HERPUD2: variants seen among roughly 807,000 people sequenced by gnomAD.
The protein encoded by HERPUD2 is homocysteine-responsive endoplasmic reticulum-resident ubiquitin-like domain member 2 protein.
HERPUD2 carries 13 observed loss-of-function variants against 49.9 expected under a neutral mutation model. The observed-to-expected ratio is 0.26, with a 90% CI of 0.17 to 0.41. HERPUD2 has a LOEUF of 0.41. Ranked by LOEUF, HERPUD2 falls within the 10% of genes least tolerant of loss-of-function variation. The probability of loss-of-function intolerance (pLI) is 1.00; values close to 1 mark genes in which losing one functional copy is unlikely to be tolerated. For synonymous variants in HERPUD2, 172 were observed against 171.4 expected (o/e 1.00, Z -0.03); for missense variants, 449 against 492.2 (o/e 0.91, Z 0.83).
intron 2 of HERPUD2, among the ~76,000 whole-genome samples, chr7:35,686,482 G>A (rs1242125101): frequency 1.9e-5 from 2 of 104,550 alleles, no homozygotes; most frequent in East Asian, 3.2e-4. Flanking sequence ...CGCAGCGCCC[G>A]GCCTAACATT....
At chr7:35,662,733 T>C (rs1785451246) in intron 5 of HERPUD2, among the ~76,000 whole-genome samples, 1 of 152,212 alleles carries the variant, frequency 6.6e-6, no homozygotes, top group Admixed American at 6.5e-5. Flanking sequence ...TTATCATTTT[T>C]TATTGTGTCT....
intron 2 of HERPUD2, among the ~76,000 whole-genome samples, chr7:35,692,429 C>T (rs1485713841): frequency 1.3e-5 from 2 of 152,196 alleles, no homozygotes; most frequent in Non-Finnish European, 1.5e-5. Flanking sequence ...TTGCTATGAA[C>T]AGTATTATGG....
At chr7:35,687,515 C>G (rs1271029119) in intron 2 of HERPUD2, among the ~76,000 whole-genome samples, 6 of 152,100 alleles carry the variant, frequency 3.9e-5, no homozygotes, top group African/African-American at 1.4e-4. Context: ...TCTGAGTGGC[C>G]CAGAAACAGA....
rs1342430287 is a variant in HERPUD2 at position 35,632,977 on chromosome 7, C to G, written c.*713G>C. The G allele has an allele frequency of 6.6e-6, 1 of 152,156 alleles. No homozygotes were observed. Among genetic ancestry groups the G allele is most frequent in the Non-Finnish European group, 1.5e-5 (1 of 68,016 alleles). The allele number at this position is 152,156 out of a possible 1,614,324, so 9.4% of individuals were successfully genotyped here. On this transcript the variant is annotated 3_prime_UTR_variant, in exon 9 of 9. Transcript: ENST00000311350. ...ATGAGGTCATTCTGTTTAAAACTTTCAAGATAATTCACGGAAAACAGATAT... is the reference window on the plus strand; with the variant it reads ...ATGAGGTCATTCTGTTTAAAACTTTGAAGATAATTCACGGAAAACAGATAT...
At chr7:35,664,239 G>A (rs867189354) in intron 5 of HERPUD2, among the ~76,000 whole-genome samples, 3 of 152,306 alleles carry the variant, frequency 2.0e-5, no homozygotes, top group African/African-American at 7.2e-5. Flanking sequence ...CTGGCTTGTA[G>A]AGTTTCTGCC....
chr7:35,635,406 T>C lies in HERPUD2; in HGVS notation c.670A>G (p.Thr224Ala). ...ATSNVNPTQP[T>A]TSQPLNLAHV... is the part of the protein sequence containing the mutation. Reference sequence around the variant, plus strand: ...GCCAAATTTAGAGGCTGTGAAGTAGTAGGCTGGGTTGGGTTGACATTTGAT... The same window carrying C: ...GCCAAATTTAGAGGCTGTGAAGTAGCAGGCTGGGTTGGGTTGACATTTGAT... The change falls in exon 7 of 9, where the codon ACT becomes GCT. Residue 224 changes from threonine (T) to alanine (A), a missense_variant. Transcript: ENST00000311350. 6.2e-7 allele frequency: 1 copy of C among 1,614,136 alleles called. No homozygotes were observed. Among genetic ancestry groups the C allele is most frequent in the Non-Finnish European group, 8.5e-7 (1 of 1,180,016 alleles).
chr7:35,694,640 A>T lies in HERPUD2; in HGVS notation c.-297-13T>A. The T allele has an allele frequency of 9.2e-6, 3 of 326,858 alleles. No individual in the cohort carries two copies. Among genetic ancestry groups the T allele is most frequent in the East Asian group, 6.1e-5 (1 of 16,364 alleles). The allele number at this position is 326,858 out of a possible 1,614,324, so 20.2% of individuals were successfully genotyped here. A position where few individuals can be genotyped will look rare whatever the true frequency, so the allele number is the denominator to read the frequency against. On this transcript the variant is annotated splice_polypyrimidine_tract_variant and intron_variant, in intron 1 of 8. Transcript: ENST00000311350. ...AGGAGAAAGGAAGCTATACGAAGGAAGGGTGGGAGGGATGAGGGCACAACG... is the reference window on the plus strand; with the variant it reads ...AGGAGAAAGGAAGCTATACGAAGGATGGGTGGGAGGGATGAGGGCACAACG...
chr7:35,665,234 G>A (rs1289362209), intron 5 of HERPUD2, among the ~76,000 whole-genome samples: 1 of 152,230 alleles, frequency 6.6e-6, no homozygotes, highest in Non-Finnish European at 1.5e-5. Context: ...TACAGAGGCA[G>A]GGAGGCCTCC....
intron 5 of HERPUD2, among the ~76,000 whole-genome samples, chr7:35,664,769 T>G (rs1174810526): frequency 6.6e-6 from 1 of 152,160 alleles, no homozygotes; most frequent in East Asian, 1.9e-4. Context: ...ATCTATGCTG[T>G]TTATTCTCGT....
At position 35,635,336 on chromosome 7, in the gene HERPUD2, G is replaced by C. The variant is rs1472874471; in HGVS notation, c.740C>G (p.Ala247Gly). The C allele has an allele frequency of 6.2e-7, 1 of 1,614,068 alleles. No homozygotes were observed. Residue 247 changes from alanine (A) to glycine (G), a missense_variant, in exon 7 of 9, where the codon GCC becomes GGC. Ala to Gly is a moderately conservative substitution (Grantham distance 60). Transcript: ENST00000311350. ...CTCATTCATGGGTCGATTTTCTTGG[G>C]CCACTAGGTTTGGAGCTGGTGGGGG... ...EEPPPAPNLV[A>G]QENRPMNENV...
chr7:35,692,642 G>GT (rs536454538), intron 2 of HERPUD2, among the ~76,000 whole-genome samples: 3 of 151,870 alleles, frequency 2.0e-5, no homozygotes, highest in East Asian at 1.9e-4. Context: ...ATTCCTCAGG[G>GT]TTTTTTTTCC....
At chr7:35,653,082 C>T (rs1161246787) in intron 5 of HERPUD2, among the ~76,000 whole-genome samples, 1 of 152,066 alleles carries the variant, frequency 6.6e-6, no homozygotes, top group African/African-American at 2.4e-5. Context: ...CCTGTCATAT[C>T]AATAATAATC....
Position 35,670,204 on chromosome 7 carries a change from A to G in HERPUD2, c.339+11T>C, listed in dbSNP as rs1785614672. 2.8e-6 allele frequency: 4 copies of G among 1,419,972 alleles called. No individual in the cohort carries two copies. Among genetic ancestry groups the G allele is most frequent in the Non-Finnish European group, 3.9e-6 (4 of 1,032,618 alleles). The allele number at this position is 1,419,972 out of a possible 1,614,324, so 88.0% of individuals were successfully genotyped here. A position where few individuals can be genotyped will look rare whatever the true frequency, so the allele number is the denominator to read the frequency against. On this transcript the variant is annotated intron_variant, in intron 4 of 8. Coordinates refer to ENST00000311350, the MANE Select transcript of HERPUD2 (RefSeq NM_022373.5). ...AAAAGTTCAATGTTTACTCCTCCCA[A>G]AACAACTCACAGAATTGCTGCTGGA...
intron 5 of HERPUD2, among the ~76,000 whole-genome samples, chr7:35,645,209 A>G (rs1785031229): frequency 6.6e-6 from 1 of 152,216 alleles, no homozygotes. Context: ...AGTATATAAA[A>G]ATACTGACTG....
intron 2 of HERPUD2, among the ~76,000 whole-genome samples, chr7:35,690,815 A>T (rs903551939): frequency 6.6e-6 from 1 of 152,212 alleles, no homozygotes; most frequent in African/African-American, 2.4e-5. Flanking sequence ...GTCTCAAAAA[A>T]AAAAAAGAAC....
At position 35,648,002 on chromosome 7, in the gene HERPUD2, A is replaced by G. The variant is rs1222587060; in HGVS notation, c.495-9530T>C. On this transcript the variant is annotated intron_variant, in intron 5 of 8. Transcript: ENST00000311350. ...AACAAATAAGCAACTCACAAAACAT[A>G]AAGAATGCCTCTTTATCATGTCTCA... 2.0e-5 allele frequency among the ~76,000 whole-genome samples: 3 copies of G among 152,346 alleles called. 1 individual carries two copies. The highest frequency in any genetic ancestry group is 6.8e-3 in the Middle Eastern group (2 of 294).
At chr7:35,679,877 A>G (rs1288829774) in intron 2 of HERPUD2, among the ~76,000 whole-genome samples, 1 of 152,144 alleles carries the variant, frequency 6.6e-6, no homozygotes, top group Non-Finnish European at 1.5e-5. Flanking sequence ...TGTTTAAGCC[A>G]AAAACCTGGG....
intron 2 of HERPUD2, among the ~76,000 whole-genome samples, chr7:35,685,960 C>CTAAATAAA (rs1554317773): frequency 2.0e-5 from 3 of 147,948 alleles, no homozygotes; most frequent in African/African-American, 7.5e-5. Context: ...GACCCTGTCT[C>CTAAATAAA]TAAATAAATA....
chr7:35,682,363 A>G (rs1049231088), intron 2 of HERPUD2, among the ~76,000 whole-genome samples: 979 of 72,938 alleles, frequency 0.013, 124 homozygotes, highest in Admixed American at 0.02. Context: ...GTGTGTATAT[A>G]TATATATATA....
Sources: allele counts gnomAD v4.1 joint callset (sites outside exome capture counted in the v4.1 genomes callset), GRCh38; gene constraint gnomAD v4.1.1; transcripts MANE v1.5; gene names NCBI Gene and HGNC (gene_info 2026-07-23, HGNC 2026-07-21).